The following LINGO3 variants were observed in gnomAD, a reference collection of about 807,000 sequenced individuals.
The protein encoded by LINGO3 is leucine rich repeat and Ig domain containing 3.
For synonymous variants in LINGO3, 427 were observed against 444.2 expected (o/e 0.96, Z 0.49); for missense variants, 750 against 867.7 (o/e 0.86, Z 1.70).
Position 2,290,897 on chromosome 19 carries a change from C to T in LINGO3, c.880G>A (p.Val294Ile). Residue 294 changes from valine (V) to isoleucine (I), a missense_variant, in exon 1 of 1, where the codon GTC becomes ATC. Transcript: ENST00000585527. The surrounding 1 kb of genome is among the most constrained non-coding windows in gnomAD (Gnocchi z 6.0). ...GCCAGGTGCAGCTCGCGCAGGCGGA[C>T]CAGGTCCCGGAACGACCCCCGCGGC... The T allele has an allele frequency of 6.2e-7, 1 of 1,611,220 alleles. No individual in the cohort carries two copies. The highest frequency in any genetic ancestry group is 8.5e-7 in the Non-Finnish European group (1 of 1,179,138).
upstream of LINGO3, chr19:2,292,068 G>T: frequency 2.5e-6 from 1 of 393,816 alleles, no homozygotes; most frequent in Non-Finnish European, 4.9e-6. Context: ...TAGGCCTGTG[G>T]TCCCAGCTAC....
the LINGO3 span, among the ~76,000 whole-genome samples, chr19:2,302,024 C>T: frequency 6.7e-6 from 1 of 149,744 alleles, no homozygotes. Context: ...CCAGAAAGTC[C>T]CTGTTCTTTT....
downstream of LINGO3, among the ~76,000 whole-genome samples, chr19:2,287,288 C>G (rs1239898309): frequency 6.6e-6 from 1 of 152,074 alleles, no homozygotes; most frequent in African/African-American, 2.4e-5. This position sits in a 1 kb window ranked among gnomAD's most constrained non-coding sequence, Gnocchi z 4.5. Context: ...GCTGGGAAAT[C>G]CTAATATACG....
chr19:2,303,540 C>A, the LINGO3 span, among the ~76,000 whole-genome samples: 2 of 152,120 alleles, frequency 1.3e-5, no homozygotes, highest in African/African-American at 4.8e-5. Flanking sequence ...CAAAACCACA[C>A]GGGGCACTGA....
the LINGO3 span, among the ~76,000 whole-genome samples, chr19:2,301,672 C>T: frequency 6.6e-6 from 1 of 152,072 alleles, no homozygotes; most frequent in Non-Finnish European, 1.5e-5. Context: ...GCTCACGCGT[C>T]ATCCCAGCAC....
Position 2,290,663 on chromosome 19 carries a change from AGTTG to A in LINGO3, c.1110_1113del (p.Asn371SerfsTer71). 1 of 1,606,246 alleles carries A rather than the reference AGTTG, an allele frequency of 6.2e-7. No individual in the cohort carries two copies. The highest frequency in any genetic ancestry group is 1.3e-5 in the African/African-American group (1 of 74,778). On this transcript the variant is annotated frameshift_variant, in exon 1 of 1. Coordinates refer to ENST00000585527, the Ensembl canonical transcript of LINGO3. LOFTEE classifies it low-confidence loss of function (END_TRUNC). The surrounding 1 kb of genome is among the most constrained non-coding windows in gnomAD (Gnocchi z 6.0). ...GCGCAGGCCGGCAGCCGCCCGTCGA[AGTTG>A]AGGGTCTTGCGACGCTGCACGATCC... is the stretch of plus-strand genomic sequence containing the variant.
chr19:2,292,942 C>T (rs780559221), upstream of LINGO3, among the ~76,000 whole-genome samples: 1 of 152,168 alleles, frequency 6.6e-6, no homozygotes, highest in East Asian at 1.9e-4. Flanking sequence ...CACCCACACA[C>T]GAACACGACT....
upstream of LINGO3, among the ~76,000 whole-genome samples, chr19:2,294,377 G>T (rs562596297): frequency 6.6e-6 from 1 of 152,242 alleles, no homozygotes; most frequent in Admixed American, 6.5e-5. The surrounding 1 kb of genome is among the most constrained non-coding windows in gnomAD (Gnocchi z 4.3). Context: ...CCCCGGCCCT[G>T]CGGACACCTT....
At chr19:2,297,638 C>G in the LINGO3 span, among the ~76,000 whole-genome samples, 2 of 114,486 alleles carry the variant, frequency 1.7e-5, no homozygotes, top group African/African-American at 6.6e-5. Flanking sequence ...GAGCTTCATT[C>G]TTTTTGTCCA....
exon 1 of LINGO3, chr19:2,291,386 G>A (rs2025519170): frequency 6.2e-7 from 1 of 1,613,402 alleles, no homozygotes; most frequent in Non-Finnish European, 8.5e-7. Flanking sequence ...CTCAGGTCCA[G>A]CAGCGTGAGG....
the LINGO3 span, among the ~76,000 whole-genome samples, chr19:2,298,205 G>A: frequency 2.6e-4 from 40 of 151,926 alleles, no homozygotes; most frequent in Non-Finnish European, 5.6e-4. Context: ...CTAAATTAGA[G>A]GTTTCTTTTT....
chr19:2,306,889 C>T, the LINGO3 span, among the ~76,000 whole-genome samples: 2 of 152,150 alleles, frequency 1.3e-5, no homozygotes, highest in Non-Finnish European at 2.9e-5. Flanking sequence ...TGCTTCGGCT[C>T]AGAGAACAGC....
chr19:2,287,942 C>T (rs1184172001), downstream of LINGO3, among the ~76,000 whole-genome samples: 1 of 152,212 alleles, frequency 6.6e-6, no homozygotes, highest in African/African-American at 2.4e-5. This position sits in a 1 kb window ranked among gnomAD's most constrained non-coding sequence, Gnocchi z 4.5. Context: ...ACAGTGGTTC[C>T]TGTCCCTGCC....
the LINGO3 span, among the ~76,000 whole-genome samples, chr19:2,298,173 G>A: frequency 1.3e-5 from 2 of 152,166 alleles, no homozygotes; most frequent in East Asian, 3.8e-4. Flanking sequence ...ATAGGTGTGA[G>A]CCACTGGGCC....
chr19:2,293,385 A>G (rs1443649329), upstream of LINGO3, among the ~76,000 whole-genome samples: 1 of 135,980 alleles, frequency 7.4e-6, no homozygotes, highest in Admixed American at 7.5e-5. Context: ...TTGGAGACAG[A>G]GTCTCACTCT....
At chr19:2,294,718 C>T (rs1036919123), upstream of LINGO3, among the ~76,000 whole-genome samples, 5 of 152,188 alleles carry the variant, frequency 3.3e-5, no homozygotes, top group Admixed American at 2.0e-4. The surrounding 1 kb of genome is among the most constrained non-coding windows in gnomAD (Gnocchi z 4.3). Context: ...GGTAGCTGTG[C>T]CTCCTGGGCT....
chr19:2,304,869 G>A, the LINGO3 span, among the ~76,000 whole-genome samples: 8 of 151,792 alleles, frequency 5.3e-5, no homozygotes, highest in Admixed American at 2.0e-4. Context: ...CACCACGTCC[G>A]GCTAATTTTT....
upstream of LINGO3, among the ~76,000 whole-genome samples, chr19:2,293,722 T>C (rs2025548326): frequency 6.6e-6 from 1 of 151,880 alleles, no homozygotes; most frequent in African/African-American, 2.4e-5. Context: ...AGATGACATT[T>C]GATCTCAGAC....
chr19:2,291,138 C>T (rs748158635), exon 1 of LINGO3: 1 of 1,607,478 alleles, frequency 6.2e-7, no homozygotes. Context: ...TCTGGTCCTC[C>T]AGGGAGGCGA....
Sources: allele counts gnomAD v4.1 joint callset (sites outside exome capture counted in the v4.1 genomes callset), GRCh38; gene constraint gnomAD v4.1.1; non-coding constraint Gnocchi (gnomAD v3.1); transcripts MANE v1.5; gene names NCBI Gene and HGNC (gene_info 2026-07-23, HGNC 2026-07-21).